RASEF: variants seen among roughly 807,000 people sequenced by gnomAD.
RASEF encodes the protein RAS and EF-hand domain containing, also known as ras and EF-hand domain-containing protein.
In RASEF, 68 loss-of-function variants were observed where a neutral mutation model predicts 90.1. The observed-to-expected ratio is 0.75, with a 90% CI of 0.62 to 0.92. RASEF has a LOEUF of 0.92. RASEF is among the 40% of genes least tolerant of loss of function. The pLI, the probability that RASEF is intolerant of heterozygous loss-of-function variation, is 0.00. For synonymous variants in RASEF, 331 were observed against 345.2 expected, an observed-to-expected ratio of 0.96 and a Z score of 0.46; for missense variants, 949 against 937.2, an observed-to-expected ratio of 1.01 and a Z score of -0.16.
chr9:83,192,713 GT>G, the RASEF span, among the ~76,000 whole-genome samples: 3 of 100,618 alleles, frequency 3.0e-5, no homozygotes, highest in African/African-American at 4.1e-5. Flanking sequence ...TAAAATAATA[GT>G]AAAAAAAAAA....
At chr9:83,134,791 T>C in the RASEF span, among the ~76,000 whole-genome samples, 2 of 152,122 alleles carry the variant, frequency 1.3e-5, no homozygotes, top group Non-Finnish European at 2.9e-5. Context: ...AACACATGTC[T>C]ACACAAAAAC....
chr9:83,098,147 AC>A, the RASEF span, among the ~76,000 whole-genome samples: 24 of 152,164 alleles, frequency 1.6e-4, no homozygotes, highest in Non-Finnish European at 3.1e-4. Flanking sequence ...TATGCAAGCA[AC>A]CAGGTTCTCT....
In RASEF at chr9:82,998,413, T is replaced by A; in HGVS notation, c.1757A>T (p.Asp586Val). 1 of 1,613,200 alleles carries A rather than the reference T, an allele frequency of 6.2e-7. No individual in the cohort carries two copies. The highest frequency in any genetic ancestry group is 8.5e-7 in the Non-Finnish European group (1 of 1,179,138). Residue 586 changes from aspartate to valine, a missense_variant, in exon 13 of 17, where the codon GAT becomes GTT. Asp to Val is a radical substitution (Grantham distance 152, BLOSUM62 -3). Coordinates refer to ENST00000376447, the MANE Select transcript of RASEF (RefSeq NM_152573.4). ...VDFQMKTLIV[D>V]GERTVLQLWD... ...GAGCTGCAGAACTGTTCGTTCTCCA[T>A]CCACAATGAGGGTTTTCATTTGGAA...
chr9:83,147,669 C>G, the RASEF span, among the ~76,000 whole-genome samples: 1 of 152,152 alleles, frequency 6.6e-6, no homozygotes, highest in Non-Finnish European at 1.5e-5. Flanking sequence ...CATCTACAGA[C>G]AGCTTAAATG....
chr9:83,001,863 T>C (rs1829046188), intron 9 of RASEF, among the ~76,000 whole-genome samples: 1 of 152,188 alleles, frequency 6.6e-6, no homozygotes, highest in Non-Finnish European at 1.5e-5. Context: ...CCACTAAATG[T>C]TGACACACCG....
the RASEF span, among the ~76,000 whole-genome samples, chr9:83,158,227 A>G: frequency 6.6e-6 from 1 of 152,166 alleles, no homozygotes; most frequent in African/African-American, 2.4e-5. Flanking sequence ...AATTAATTGA[A>G]TTAAAGTAAA....
chr9:83,097,202 C>T, the RASEF span, among the ~76,000 whole-genome samples: 1 of 152,138 alleles, frequency 6.6e-6, no homozygotes, highest in Non-Finnish European at 1.5e-5. Flanking sequence ...CCTGAGGAAT[C>T]GCCACACTGT....
the RASEF span, among the ~76,000 whole-genome samples, chr9:83,107,394 C>T: frequency 1.1e-4 from 16 of 152,320 alleles, no homozygotes; most frequent in African/African-American, 3.8e-4. Context: ...GGAATTAGAG[C>T]ATGTTCAAGT....
Position 83,046,736 on chromosome 9 carries a change from A to T in RASEF, c.431+15701T>A, listed in dbSNP as rs535382652. Among the ~76,000 whole-genome samples, 23 of 152,188 alleles carry T rather than the reference A, an allele frequency of 1.5e-4. No homozygotes were observed. In the South Asian group the frequency reaches 4.6e-3, roughly 30 times the overall value. ...GTTTGATAGAAGCAAGAATTATGAG[A>T]CGACTGTGTCATCCCAGGGGATGAA... On this transcript the variant is annotated intron_variant, in intron 1 of 16. Coordinates refer to ENST00000376447, the MANE Select transcript of RASEF (RefSeq NM_152573.4).
chr9:83,170,270 G>C, the RASEF span, among the ~76,000 whole-genome samples: 64 of 152,066 alleles, frequency 4.2e-4, no homozygotes, highest in African/African-American at 1.5e-3. Flanking sequence ...TTTCTATTCT[G>C]TTGCATTGGT....
At chr9:83,139,776 T>C in the RASEF span, among the ~76,000 whole-genome samples, 5 of 152,162 alleles carry the variant, frequency 3.3e-5, no homozygotes, top group African/African-American at 9.7e-5. Flanking sequence ...ATGCTAAAAA[T>C]CTTAAGGGTC....
At chr9:83,036,950 C>A (rs988944560) in intron 1 of RASEF, among the ~76,000 whole-genome samples, 8 of 151,858 alleles carry the variant, frequency 5.3e-5, no homozygotes, top group Admixed American at 5.2e-4. Context: ...CACCATGGTG[C>A]CCTAAAGTGA....
intron 3 of RASEF, among the ~76,000 whole-genome samples, chr9:83,016,772 G>A (rs1335585938): frequency 6.6e-6 from 1 of 152,104 alleles, no homozygotes; most frequent in African/African-American, 2.4e-5. Flanking sequence ...GTAAGGTAGG[G>A]CCTCTCTGCA....
intron 1 of RASEF, among the ~76,000 whole-genome samples, chr9:83,052,218 C>T (rs1830027349): frequency 1.4e-5 from 2 of 139,322 alleles, no homozygotes; most frequent in African/African-American, 6.0e-5. Context: ...GCCACAATTT[C>T]AGAGCCTGTT....
chr9:83,173,909 T>C, the RASEF span, among the ~76,000 whole-genome samples: 1 of 151,934 alleles, frequency 6.6e-6, no homozygotes, highest in African/African-American at 2.4e-5. Flanking sequence ...CTTGATACGG[T>C]GTTTATTTAT....
chr9:83,004,529 C>A lies in RASEF; in HGVS notation c.1171G>T (p.Gly391Cys), dbSNP rs773313701. The A allele has an allele frequency of 6.2e-7, 1 of 1,603,560 alleles. No homozygotes were observed. The highest frequency in any genetic ancestry group is 2.2e-5 in the East Asian group (1 of 44,744). ...TISRSSPKFIGHSPQPLGYDR... is the reference protein window; with the variant it reads ...TISRSSPKFICHSPQPLGYDR... ...TAGCCTAGAGGTTGAGGGGAATGAC[C>A]AATGAATTTGGGACTGCTTCTAGAA... The change falls in exon 9 of 17, where the codon GGT becomes TGT. Residue 391 changes from glycine (G) to cysteine (C), a missense_variant. This residue lies in a region of RASEF where 656 missense variants were observed against 592.2 expected (regional missense o/e 1.11). Coordinates refer to ENST00000376447, the MANE Select transcript of RASEF (RefSeq NM_152573.4).
intron 1 of RASEF, among the ~76,000 whole-genome samples, chr9:83,047,289 C>T (rs1442124657): frequency 2.6e-5 from 4 of 151,922 alleles, no homozygotes; most frequent in African/African-American, 4.8e-5. Context: ...AAAGAAAAAA[C>T]GAAAAAGAAA....
chr9:82,991,700 T>C (rs1828818451), intron 15 of RASEF, among the ~76,000 whole-genome samples: 1 of 152,152 alleles, frequency 6.6e-6, no homozygotes, highest in Non-Finnish European at 1.5e-5. Context: ...TCCAGGATGA[T>C]ATGGGGTGAA....
the RASEF span, among the ~76,000 whole-genome samples, chr9:83,187,050 G>A: frequency 5.3e-5 from 8 of 152,208 alleles, no homozygotes; most frequent in African/African-American, 1.9e-4. Flanking sequence ...CAGGCACCAG[G>A]TAACTAGAGA....
Sources: allele counts gnomAD v4.1 joint callset (sites outside exome capture counted in the v4.1 genomes callset), GRCh38; gene constraint gnomAD v4.1.1; regional missense constraint gnomAD v4.1.1; transcripts MANE v1.5; gene names NCBI Gene and HGNC (gene_info 2026-07-23, HGNC 2026-07-21).